The following BRWD1 variants were observed in gnomAD, a reference collection of about 807,000 sequenced individuals.
BRWD1 encodes bromodomain and WD repeat-containing protein 1.
BRWD1 carries 82 observed loss-of-function variants against 251.2 expected under a neutral mutation model. The observed-to-expected ratio is 0.33, with a 90% CI of 0.27 to 0.39. The LOEUF is 0.39. Ranked by LOEUF, BRWD1 falls within the 10% of genes least tolerant of loss-of-function variation. BRWD1 has a pLI of 1.00. For missense variants in BRWD1, 2,233 were observed against 2,711.6 expected, an observed-to-expected ratio of 0.82 and a Z score of 3.92; for synonymous variants, 918 against 902.8, an observed-to-expected ratio of 1.02 and a Z score of -0.30.
At chr21:39,312,590 C>CCG in intron 4 of BRWD1, 1 of 359,486 alleles carries the variant, frequency 2.8e-6, no homozygotes, top group South Asian at 3.4e-5. Flanking sequence ...CCCACCCCTG[C>CCG]CGCAGGACCT....
At chr21:39,291,748 A>T (rs2035813724) in intron 8 of BRWD1, among the ~76,000 whole-genome samples, 1 of 152,166 alleles carries the variant, frequency 6.6e-6, no homozygotes, top group Non-Finnish European at 1.5e-5. Flanking sequence ...TCATCACGTG[A>T]CATATGTGTC....
intron 17 of BRWD1, among the ~76,000 whole-genome samples, chr21:39,262,891 T>C (rs1015468731): frequency 2.0e-5 from 3 of 151,976 alleles, no homozygotes; most frequent in African/African-American, 7.2e-5. Flanking sequence ...AGTTACTTAT[T>C]ATTTAACATC....
chr21:39,245,250 T>C (rs1009425390), intron 21 of BRWD1, among the ~76,000 whole-genome samples: 10 of 151,876 alleles, frequency 6.6e-5, no homozygotes, highest in Non-Finnish European at 1.5e-4. Context: ...CTCAAAAAAA[T>C]AAAAACAGTT....
rs1265118839 is a variant in BRWD1 at position 39,224,477 on chromosome 21, A to G, written c.3321-8T>C. The G allele has an allele frequency of 1.9e-6, 3 of 1,587,252 alleles. No homozygotes were observed. The highest frequency in any genetic ancestry group is 2.7e-5 in the African/African-American group (2 of 74,022). Reference sequence around the variant, plus strand: ...ATTTCAGTATTATCCCACCTGTTAAAAAACAACAAATCTCTGGTTAGCCTT... The same window carrying G: ...ATTTCAGTATTATCCCACCTGTTAAGAAACAACAAATCTCTGGTTAGCCTT... On this transcript the variant is annotated splice_polypyrimidine_tract_variant and splice_region_variant and intron_variant, in intron 28 of 40. Coordinates refer to ENST00000342449, the MANE Select transcript of BRWD1 (RefSeq NM_033656.4).
upstream of BRWD1, among the ~76,000 whole-genome samples, chr21:39,316,132 C>T (rs1245242802): frequency 2.6e-5 from 4 of 152,052 alleles, no homozygotes; most frequent in Non-Finnish European, 5.9e-5. Flanking sequence ...AAAGTTAAGA[C>T]CAAGAGGCAC....
chr21:39,298,138 C>T, intron 5 of BRWD1: 1 of 1,045,534 alleles, frequency 9.6e-7, no homozygotes, highest in Non-Finnish European at 1.1e-6. Flanking sequence ...GAGTGAGCTA[C>T]AAAATGGAAA....
Position 39,186,070 on chromosome 21 carries a change from T to C in BRWD1, c.*10189A>G, listed in dbSNP as rs2031213251. ...TTGTTGGGATGAGATTGTAGTAAGT[T>C]TACTCAAAGTATTCAAGTTCTAATT... On this transcript the variant is annotated 3_prime_UTR_variant, in exon 41 of 41. Transcript: ENST00000342449. 6.6e-6 allele frequency: 1 copy of C among 152,166 alleles called. No individual in the cohort carries two copies. The highest frequency in any genetic ancestry group is 6.5e-5 in the Admixed American group (1 of 15,284). The allele number at this position is 152,166 out of a possible 1,614,324, so 9.4% of individuals were successfully genotyped here.
Position 39,312,859 on chromosome 21 carries a change from G to A in BRWD1, c.180C>T (p.Asn60=), listed in dbSNP as rs747139627. The A allele has an allele frequency of 1.9e-6, 3 of 1,569,526 alleles. No homozygotes were observed. The highest frequency in any genetic ancestry group is 1.1e-5 in the South Asian group (1 of 89,104). Residue 60 remains asparagine, a synonymous_variant, in exon 4 of 41, where the codon AAC becomes AAT. Transcript: ENST00000342449. ...KRLDWEGNEH[N]RSYEELVLSN... ...TGCTCACCAACTCCTCGTAGCTCCT[G>A]TTGTGCTCGTTGCCCTCCCAGTCCA...
At chr21:39,285,612 C>A (rs913113276) in intron 8 of BRWD1, among the ~76,000 whole-genome samples, 1 of 151,956 alleles carries the variant, frequency 6.6e-6, no homozygotes, top group African/African-American at 2.4e-5. Context: ...TATAGGTCAA[C>A]TAAAAACAAA....
At chr21:39,246,509 C>T (rs1044349299) in intron 21 of BRWD1, among the ~76,000 whole-genome samples, 6 of 152,080 alleles carry the variant, frequency 3.9e-5, no homozygotes, top group African/African-American at 1.2e-4. Context: ...CATCTCCTAG[C>T]GTGACCCAAA....
chr21:39,197,176 G>C lies in BRWD1; in HGVS notation c.5893C>G (p.Leu1965Val). The part of the protein sequence containing the change: ...TRSKNGRKKP[L>V]HLACTTAKKK... ...TTAGCTGTAGTACAAGCAAGATGGA[G>C]AGGTTTTTTCCTTCCATTTTTGCTT... is the stretch of plus-strand genomic sequence containing the variant. Residue 1965 changes from leucine to valine, a missense_variant, in exon 41 of 41, where the codon CTC becomes GTC. Around this residue, in one of 12 missense-constraint regions of BRWD1, gnomAD observed 928 missense variants for 970.0 expected, o/e 0.96. Coordinates refer to ENST00000342449, the MANE Select transcript of BRWD1 (RefSeq NM_033656.4). 6 of 1,614,114 alleles carry C rather than the reference G, an allele frequency of 3.7e-6. No individual in the cohort carries two copies. The highest frequency in any genetic ancestry group is 5.1e-6 in the Non-Finnish European group (6 of 1,179,970).
intron 13 of BRWD1, among the ~76,000 whole-genome samples, chr21:39,273,784 G>A (rs1358832964): frequency 2.6e-5 from 4 of 152,056 alleles, no homozygotes; most frequent in African/African-American, 9.7e-5. Flanking sequence ...AAGCAGACAT[G>A]ATTTCCAGAA....
At chr21:39,276,530 G>A (rs1328903020) in intron 11 of BRWD1, among the ~76,000 whole-genome samples, 1 of 152,210 alleles carries the variant, frequency 6.6e-6, no homozygotes, top group Non-Finnish European at 1.5e-5. Context: ...TGTGGAAAGT[G>A]CTCAAAATAT....
chr21:39,312,992 CG>C, intron 3 of BRWD1, 79 bp downstream of exon 3: 4 of 1,037,546 alleles, frequency 3.9e-6, no homozygotes, highest in Non-Finnish European at 4.8e-6. Flanking sequence ...GGGCGGCGGG[CG>C]GGGGGCGCGG....
intron 38 of BRWD1, among the ~76,000 whole-genome samples, chr21:39,201,825 A>T (rs1293137010): frequency 6.6e-6 from 1 of 152,262 alleles, no homozygotes; most frequent in Non-Finnish European, 1.5e-5. Flanking sequence ...TGTATAAATG[A>T]TTCAATTATA....
chr21:39,196,799 A>G lies in BRWD1; in HGVS notation c.6270T>C (p.Asn2090=), dbSNP rs757048872. The change falls in exon 41 of 41, where the codon AAT becomes AAC. Residue 2090 remains asparagine, a synonymous_variant. Transcript: ENST00000342449. ...TAENNFEVEL[N]YGLRRWNGRR... Reference sequence around the variant, plus strand: ...TGCCATTCCACCTGCGCAGCCCATAATTCAGTTCCACTTCAAAATTATTCT... The same window carrying G: ...TGCCATTCCACCTGCGCAGCCCATAGTTCAGTTCCACTTCAAAATTATTCT... 1.9e-6 allele frequency: 3 copies of G among 1,613,192 alleles called. No individual in the cohort carries two copies. Among genetic ancestry groups the G allele is most frequent in the Admixed American group, 3.3e-5 (2 of 59,998 alleles).
chr21:39,268,949 C>G (rs1403118599), intron 15 of BRWD1, among the ~76,000 whole-genome samples: 1 of 151,922 alleles, frequency 6.6e-6, no homozygotes, highest in Non-Finnish European at 1.5e-5. Flanking sequence ...GATTGCGCCA[C>G]TGCACTCCAG....
Position 39,238,591 on chromosome 21 carries a change from G to A in BRWD1, c.2482-18C>T, listed in dbSNP as rs1034958041. The A allele has an allele frequency of 6.4e-7, 1 of 1,569,894 alleles. No homozygotes were observed. The highest frequency in any genetic ancestry group is 8.8e-7 in the Non-Finnish European group (1 of 1,142,716). Reference sequence around the variant, plus strand: ...GAAGTCTCCTAATTTGTGAAGGGGGGAAAAAAATCTTGATCCCTGAAGTTA... The same window carrying A: ...GAAGTCTCCTAATTTGTGAAGGGGGAAAAAAAATCTTGATCCCTGAAGTTA... On this transcript the variant is annotated intron_variant, in intron 21 of 40. Transcript: ENST00000342449.
At chr21:39,247,914 C>T in intron 20 of BRWD1, 82 bp from the exon 21 acceptor site, 1 of 1,389,030 alleles carries the variant, frequency 7.2e-7, no homozygotes, top group Non-Finnish European at 9.5e-7. Flanking sequence ...CGTCAAGTTT[C>T]CAGAAGGATT....
Sources: gnomAD v4.1 joint callset for allele counts (sites outside exome capture counted in the v4.1 genomes callset) on GRCh38, gnomAD v4.1.1 for gene constraint, gnomAD v4.1.1 regional missense constraint, MANE v1.5 for transcripts, NCBI Gene and HGNC (gene_info 2026-07-23, HGNC 2026-07-21) for gene names.